TPRX2: variants seen among roughly 807,000 people sequenced by gnomAD.
The protein encoded by TPRX2 is tetrapeptide repeat homeobox protein 2.
the TPRX2 span, chr19:47,860,822 C>T: frequency 6.5e-7 from 1 of 1,539,286 alleles, no homozygotes; most frequent in South Asian, 1.2e-5. Context: ...AGAATCGCCG[C>T]GCCAAACTAG....
the TPRX2 span, chr19:47,860,922 G>T: frequency 2.6e-5 from 39 of 1,522,916 alleles, no homozygotes; most frequent in African/African-American, 4.4e-4. Flanking sequence ...CCCTGTAGCC[G>T]CTGCCTCCTT....
chr19:47,861,422 C>A, the TPRX2 span: 3 of 634,182 alleles, frequency 4.7e-6, no homozygotes, highest in Middle Eastern at 5.8e-4. Flanking sequence ...TCGAGGAATC[C>A]TCACTCTCCA....
the TPRX2 span, chr19:47,861,449 C>G: frequency 4.6e-5 from 38 of 831,728 alleles, no homozygotes; most frequent in African/African-American, 6.6e-4. Flanking sequence ...CGTCTCAGTA[C>G]AAAGAGGAGG....
the TPRX2 span, chr19:47,860,695 G>C: frequency 3.0e-6 from 4 of 1,320,274 alleles, no homozygotes; most frequent in Non-Finnish European, 4.1e-6. Flanking sequence ...GTGCGGGGTG[G>C]GGGTGAACAC....
At chr19:47,860,731 C>T in the TPRX2 span, 5 of 1,473,508 alleles carry the variant, frequency 3.4e-6, no homozygotes, top group South Asian at 4.0e-5. Flanking sequence ...GCCGGCGCCG[C>T]CCCCGAGCGG....
chr19:47,861,122 T>G, the TPRX2 span: 1 of 698,192 alleles, frequency 1.4e-6, no homozygotes, highest in East Asian at 2.7e-5. Flanking sequence ...TCCCAGCCCC[T>G]ATCCCAGGCC....
the TPRX2 span, chr19:47,861,045 TG>T: frequency 1.2e-6 from 1 of 831,984 alleles, no homozygotes; most frequent in Non-Finnish European, 2.0e-6. Flanking sequence ...CCCCCGGACC[TG>T]GGGTGGCCCT....
chr19:47,861,141 A>ATCCCAGGCCAAG, the TPRX2 span: 2 of 695,536 alleles, frequency 2.9e-6, no homozygotes, highest in Admixed American at 2.0e-5. Context: ...CCCAGCCCAG[A>ATCCCAGGCCAAG]TCCCAGGCCC....
chr19:47,861,239 C>T, the TPRX2 span: 1 of 552,608 alleles, frequency 1.8e-6, no homozygotes, highest in Non-Finnish European at 3.5e-6. Context: ...CCATCTCTTG[C>T]CCAGGCCCAA....
chr19:47,860,552 C>A, the TPRX2 span, among the ~76,000 whole-genome samples: 6 of 151,836 alleles, frequency 4.0e-5, no homozygotes, highest in African/African-American at 1.5e-4. Context: ...TCCCCTGGAA[C>A]CCTCCCTGGC....
At chr19:47,859,372 G>A in the TPRX2 span, among the ~76,000 whole-genome samples, 857 of 150,628 alleles carry the variant, frequency 5.7e-3, 21 homozygotes, top group African/African-American at 0.02. Flanking sequence ...CTGTGCGGGC[G>A]GCTTCCTGTC....
the TPRX2 span, chr19:47,861,465 T>G: frequency 9.9e-7 from 1 of 1,010,334 alleles, no homozygotes; most frequent in South Asian, 1.2e-5. Context: ...GGAGGATGGC[T>G]TCGTGGACAA....
At chr19:47,860,575 T>C in the TPRX2 span, among the ~76,000 whole-genome samples, 2 of 151,442 alleles carry the variant, frequency 1.3e-5, no homozygotes, top group African/African-American at 4.9e-5. Flanking sequence ...CCCGGGCACC[T>C]GGGCGGCAGA....
At chr19:47,859,260 G>T in the TPRX2 span, among the ~76,000 whole-genome samples, 75 of 151,162 alleles carry the variant, frequency 5.0e-4, 1 homozygote, top group Admixed American at 9.9e-4. Flanking sequence ...CAAGACCCTG[G>T]TCATCTCCAA....
chr19:47,859,950 G>A, the TPRX2 span, among the ~76,000 whole-genome samples: 1 of 151,296 alleles, frequency 6.6e-6, no homozygotes, highest in Admixed American at 6.6e-5. Context: ...TGGACCCTGA[G>A]GCCCAGAGAG....
the TPRX2 span, among the ~76,000 whole-genome samples, chr19:47,861,710 G>C: frequency 1.3e-5 from 2 of 152,216 alleles, no homozygotes; most frequent in African/African-American, 4.8e-5. Context: ...GAGCCTGAGC[G>C]TTTCTCTGCT....
At chr19:47,860,497 C>T in the TPRX2 span, among the ~76,000 whole-genome samples, 5 of 151,618 alleles carry the variant, frequency 3.3e-5, no homozygotes, top group African/African-American at 9.7e-5. Flanking sequence ...CCCACGGGGT[C>T]TCCCGGTGCC....
the TPRX2 span, chr19:47,861,227 C>T: frequency 7.0e-6 from 4 of 575,154 alleles, no homozygotes; most frequent in Non-Finnish European, 1.3e-5. Flanking sequence ...CAATACCAGC[C>T]CCCATCTCTT....
chr19:47,860,856 C>T, the TPRX2 span: 16 of 1,532,552 alleles, frequency 1.0e-5, no homozygotes, highest in East Asian at 2.4e-5. Flanking sequence ...GCTCCAGCAG[C>T]AGCCCCAGCG....
Sources: gnomAD v4.1 joint callset for allele counts (sites outside exome capture counted in the v4.1 genomes callset) on GRCh38, gnomAD v4.1.1 for gene constraint, MANE v1.5 for transcripts, NCBI Gene and HGNC (gene_info 2026-07-23, HGNC 2026-07-21) for gene names.